CKAP5: variants seen among roughly 807,000 people sequenced by gnomAD.
The protein encoded by CKAP5 is cytoskeleton associated protein 5, also known as cytoskeleton-associated protein 5.
CKAP5 carries 27 observed loss-of-function variants against 232.8 expected under a neutral mutation model. The ratio of observed to expected loss-of-function variants is 0.12; its 90% CI spans 0.09 to 0.16. The LOEUF is 0.16. Ranked by LOEUF, CKAP5 falls within the 10% of genes least tolerant of loss-of-function variation. The pLI is 1.00. For synonymous variants in CKAP5, 785 were observed against 841.1 expected, an observed-to-expected ratio of 0.93 and a Z score of 1.16; for missense variants, 1,838 against 2,424.7, an observed-to-expected ratio of 0.76 and a Z score of 5.08.
In CKAP5 at chr11:46,796,857, T is replaced by C. The variant is rs1426624595; in HGVS notation, c.1422A>G (p.Ala474=). 6.2e-6 allele frequency: 10 copies of C among 1,614,122 alleles called. No homozygotes were observed. The highest frequency in any genetic ancestry group is 8.5e-6 in the Non-Finnish European group (10 of 1,179,978). The part of the protein sequence containing the change: ...GTALKVVGEK[A]VNPFLADVDK... ...CCACATCAGCTAGGAATGGGTTTACTGCTTTCTCGCCAACCACCTTCAAAG... is the reference window on the plus strand; with the variant it reads ...CCACATCAGCTAGGAATGGGTTTACCGCTTTCTCGCCAACCACCTTCAAAG... The change falls in exon 12 of 44, where the codon GCA becomes GCG. Residue 474 remains alanine, a synonymous_variant. Transcript: ENST00000529230.
intron 26 of CKAP5, among the ~76,000 whole-genome samples, chr11:46,769,209 G>A (rs2065228211): frequency 6.6e-6 from 1 of 152,172 alleles, no homozygotes; most frequent in Non-Finnish European, 1.5e-5. Context: ...ATGAGCCACT[G>A]TGCCCAGCCT....
chr11:46,759,200 G>A, intron 34 of CKAP5, 69 bp downstream of exon 34: 1 of 1,534,522 alleles, frequency 6.5e-7, no homozygotes, highest in Non-Finnish European at 8.8e-7. Flanking sequence ...ACATTACAAA[G>A]GGCACATTTC....
At chr11:46,750,470 G>A in intron 41 of CKAP5, 37 bp from the exon 42 acceptor site, 1 of 1,612,586 alleles carries the variant, frequency 6.2e-7, no homozygotes, top group Non-Finnish European at 8.5e-7. Flanking sequence ...GGGGATGAAT[G>A]TTAGTGTCCC....
At chr11:46,751,084 C>T (rs544629928) in intron 40 of CKAP5, 34 bp downstream of exon 40, 12 of 1,613,218 alleles carry the variant, frequency 7.4e-6, no homozygotes, top group South Asian at 2.2e-5. Flanking sequence ...GGTGTAGCCT[C>T]ATGTCCCTCA....
intron 16 of CKAP5, 86 bp downstream of exon 16, chr11:46,788,595 G>T: frequency 1.2e-6 from 1 of 805,986 alleles, no homozygotes; most frequent in Non-Finnish European, 2.0e-6. Context: ...AAATCATTAC[G>T]AAAACTATTC....
At chr11:46,844,866 G>C (rs143665590) in intron 1 of CKAP5, among the ~76,000 whole-genome samples, 3 of 152,080 alleles carry the variant, frequency 2.0e-5, no homozygotes, top group Non-Finnish European at 2.9e-5. Flanking sequence ...ATGTTGGCCC[G>C]ACTGGTCTCA....
intron 2 of CKAP5, among the ~76,000 whole-genome samples, chr11:46,820,159 A>G (rs1032477644): frequency 3.3e-5 from 5 of 152,318 alleles, no homozygotes; most frequent in African/African-American, 7.2e-5. Context: ...ACGATTCTAA[A>G]TAAGTTCCAA....
intron 38 of CKAP5, among the ~76,000 whole-genome samples, chr11:46,752,168 A>ATATATG (rs1158167694): frequency 3.3e-5 from 1 of 30,316 alleles, no homozygotes; most frequent in Non-Finnish European, 5.8e-5. Context: ...ATTCATATAT[A>ATATATG]TATATATATA....
intron 35 of CKAP5, among the ~76,000 whole-genome samples, chr11:46,757,949 G>A (rs1358240598): frequency 2.1e-5 from 3 of 144,338 alleles, no homozygotes; most frequent in Non-Finnish European, 4.5e-5. Context: ...GTATAGTGGT[G>A]CAATCACAGC....
chr11:46,747,708 G>C (rs2065032503), intron 42 of CKAP5, among the ~76,000 whole-genome samples: 1 of 152,056 alleles, frequency 6.6e-6, no homozygotes, highest in African/African-American at 2.4e-5. Context: ...GCATTTATGT[G>C]TAAGAAATAG....
chr11:46,844,580 G>A (rs1056289470), intron 1 of CKAP5, among the ~76,000 whole-genome samples: 42 of 152,266 alleles, frequency 2.8e-4, no homozygotes, highest in African/African-American at 1.0e-3. Context: ...AAAGTAAAAG[G>A]CATGTTAATT....
intron 42 of CKAP5, among the ~76,000 whole-genome samples, chr11:46,748,190 G>A (rs1403948637): frequency 6.6e-6 from 1 of 152,056 alleles, no homozygotes; most frequent in African/African-American, 2.4e-5. Context: ...GTGAAAGGGA[G>A]AGCCTCTGGA....
chr11:46,833,858 A>T (rs1289092095), intron 1 of CKAP5, among the ~76,000 whole-genome samples: 2 of 151,190 alleles, frequency 1.3e-5, no homozygotes, highest in East Asian at 3.9e-4. Flanking sequence ...TATTATTATT[A>T]TATTATTATT....
Position 46,743,942 on chromosome 11 carries a change from G to A in CKAP5, c.*81C>T. ...CATACAACCAGTTTGTATACACTAG[G>A]CCTGCTGAGGCCATTTTAAACTATG... On this transcript the variant is annotated 3_prime_UTR_variant, in exon 44 of 44. Transcript: ENST00000529230. The A allele has an allele frequency of 6.4e-7, 1 of 1,567,652 alleles. No individual in the cohort carries two copies. The highest frequency in any genetic ancestry group is 1.4e-5 in the African/African-American group (1 of 73,964).
intron 42 of CKAP5, among the ~76,000 whole-genome samples, chr11:46,747,011 C>T (rs895528607): frequency 3.3e-5 from 5 of 152,132 alleles, no homozygotes; most frequent in Admixed American, 2.6e-4. Flanking sequence ...TGTGGTGGCA[C>T]GCAACTGTCC....
intron 23 of CKAP5, among the ~76,000 whole-genome samples, chr11:46,776,934 T>C (rs894921564): frequency 2.0e-5 from 3 of 152,196 alleles, no homozygotes; most frequent in African/African-American, 4.8e-5. Flanking sequence ...CCTTCAATGA[T>C]ATTTCAGTGA....
chr11:46,770,905 G>A lies in CKAP5; in HGVS notation c.3069C>T (p.Leu1023=). The change falls in exon 25 of 44, where the codon CTC becomes CTT. Residue 1023 remains leucine, a synonymous_variant. Coordinates refer to ENST00000529230, the MANE Select transcript of CKAP5 (RefSeq NM_001008938.4). ...CATTTCGATCTTCTAGGCAGGAGTA[G>A]AGATGAGGAACACAAAGGATAAGGT... The part of the protein sequence containing the change: ...PTDLILCVPH[L]YSCLEDRNGD... 1.9e-6 allele frequency: 3 copies of A among 1,614,176 alleles called. No individual in the cohort carries two copies. The highest frequency in any genetic ancestry group is 2.5e-6 in the Non-Finnish European group (3 of 1,180,016).
chr11:46,844,068 A>G (rs1207515872), intron 1 of CKAP5, among the ~76,000 whole-genome samples: 1 of 152,026 alleles, frequency 6.6e-6, no homozygotes, highest in East Asian at 1.9e-4. Context: ...TAAAAATACA[A>G]AAAATTAGCT....
intron 24 of CKAP5, among the ~76,000 whole-genome samples, chr11:46,772,577 G>A (rs531811672): frequency 1.3e-5 from 2 of 152,228 alleles, no homozygotes; most frequent in South Asian, 4.1e-4. Context: ...TTGTAGCTTT[G>A]TAAAAAATTA....
Sources: allele counts gnomAD v4.1 joint callset (sites outside exome capture counted in the v4.1 genomes callset), GRCh38; gene constraint gnomAD v4.1.1; transcripts MANE v1.5; gene names NCBI Gene and HGNC (gene_info 2026-07-23, HGNC 2026-07-21).